The following CNTN5 variants were observed in gnomAD, a reference collection of about 807,000 sequenced individuals.
CNTN5 encodes contactin 5.
A neutral mutation model predicts 129.1 loss-of-function variants in CNTN5; 77 were observed. The observed-to-expected ratio is 0.60, with a 90% CI of 0.50 to 0.72. The LOEUF is 0.72. Among genes scored for constraint, CNTN5 ranks in the 30% least tolerant of loss-of-function variants. The pLI, the probability that CNTN5 is intolerant of heterozygous loss-of-function variation, is 0.00. For synonymous variants in CNTN5, 509 were observed against 465.6 expected, an observed-to-expected ratio of 1.09 and a Z score of -1.20; for missense variants, 1,478 against 1,328.8, an observed-to-expected ratio of 1.11 and a Z score of -1.75.
intron 2 of CNTN5, among the ~76,000 whole-genome samples, chr11:99,436,367 A>G (rs1026839552): frequency 6.6e-6 from 1 of 152,222 alleles, no homozygotes; most frequent in East Asian, 1.9e-4. Flanking sequence ...GCTCAGATCC[A>G]CAATGAGACT....
At chr11:100,135,752 A>G (rs1401328444) in intron 13 of CNTN5, among the ~76,000 whole-genome samples, 2 of 152,144 alleles carry the variant, frequency 1.3e-5, no homozygotes, top group African/African-American at 4.8e-5. Context: ...TTTTCTGACT[A>G]GCAAATATGG....
chr11:100,054,799 A>G lies in CNTN5; in HGVS notation c.981-6413A>G, dbSNP rs140482053. Among the ~76,000 whole-genome samples the G allele has an allele frequency of 6.1e-4, 93 of 151,868 alleles. No individual in the cohort carries two copies. In the Middle Eastern group the frequency reaches 0.01, roughly 17 times the overall value. ...TTAGCAAGGTATACATTTATATCTC[A>G]TTCATGTAACATCTGACAGAATGTT... On this transcript the variant is annotated intron_variant, in intron 9 of 24. Transcript: ENST00000524871.
chr11:99,360,454 G>A (rs182899435), intron 2 of CNTN5, among the ~76,000 whole-genome samples: 82 of 152,270 alleles, frequency 5.4e-4, no homozygotes, highest in Non-Finnish European at 8.5e-4. Flanking sequence ...TGAAATATAG[G>A]TGGAGGCAGC....
intron 6 of CNTN5, among the ~76,000 whole-genome samples, chr11:99,862,104 GA>G (rs145737827): frequency 0.015 from 2,279 of 152,114 alleles, 45 homozygotes; most frequent in African/African-American, 0.052. Flanking sequence ...AAGACTAAAT[GA>G]ATATTTAAAT....
intron 3 of CNTN5, among the ~76,000 whole-genome samples, chr11:99,581,965 A>G (rs7105961): frequency 0.91 from 138,078 of 151,844 alleles, 62,939 homozygotes; most frequent in East Asian, 1. Flanking sequence ...GGCTGGTACC[A>G]GTTGTTCCTT....
chr11:100,336,956 G>C (rs998015502), intron 21 of CNTN5: 4 of 708,498 alleles, frequency 5.6e-6, no homozygotes, highest in Non-Finnish European at 1.0e-5. Context: ...CACCTTCTTA[G>C]GCAGAAAAGA....
At chr11:99,047,988 C>A (rs1409793644) in intron 1 of CNTN5, among the ~76,000 whole-genome samples, 1 of 151,208 alleles carries the variant, frequency 6.6e-6, no homozygotes, top group African/African-American at 2.4e-5. Context: ...TTTTTCATTT[C>A]TTTTCATGAA....
rs143233962 is a variant in CNTN5 at position 100,247,774 on chromosome 11, T to C, written c.2006-7986T>C. Among the ~76,000 whole-genome samples the C allele has an allele frequency of 2.6e-3, 377 of 143,938 alleles. 2 individuals carry two copies. The highest frequency in any genetic ancestry group is 8.8e-3 in the African/African-American group (359 of 40,664). 94.4% of individuals were successfully genotyped at this position (143,938 alleles called of 152,430 possible). A position where few individuals can be genotyped will look rare whatever the true frequency, so the allele number is the denominator to read the frequency against. Reference sequence around the variant, plus strand: ...TGTACTATGAAAAGTCTAGTCACATTATTAAATATTATTTTTTATTGAAAT... The same window carrying C: ...TGTACTATGAAAAGTCTAGTCACATCATTAAATATTATTTTTTATTGAAAT... On this transcript the variant is annotated intron_variant, in intron 16 of 24. Coordinates refer to ENST00000524871, the MANE Select transcript of CNTN5 (RefSeq NM_014361.4).
chr11:100,125,906 T>A (rs532037851), intron 13 of CNTN5, among the ~76,000 whole-genome samples: 1 of 152,226 alleles, frequency 6.6e-6, no homozygotes, highest in South Asian at 2.1e-4. Flanking sequence ...GGTCATTAAT[T>A]TAAGAGCTTT....
chr11:99,474,317 C>T (rs1945286956), intron 2 of CNTN5, among the ~76,000 whole-genome samples: 1 of 151,898 alleles, frequency 6.6e-6, no homozygotes, highest in African/African-American at 2.4e-5. Context: ...CAAAAAAATA[C>T]CCATCCTCTG....
At chr11:100,254,057 A>G (rs1565374041) in intron 16 of CNTN5, among the ~76,000 whole-genome samples, 1 of 152,170 alleles carries the variant, frequency 6.6e-6, no homozygotes, top group Non-Finnish European at 1.5e-5. Context: ...GATAAACAAT[A>G]TCAGAATTAC....
intron 1 of CNTN5, among the ~76,000 whole-genome samples, chr11:99,069,114 G>C (rs953339700): frequency 6.6e-6 from 1 of 152,052 alleles, no homozygotes; most frequent in African/African-American, 2.4e-5. Context: ...AAATATCAGT[G>C]TGGAATCATT....
At chr11:99,735,724 T>A (rs1381974348) in intron 3 of CNTN5, among the ~76,000 whole-genome samples, 1 of 152,210 alleles carries the variant, frequency 6.6e-6, no homozygotes, top group Non-Finnish European at 1.5e-5. Context: ...GATGTATTGA[T>A]ATATACCTTG....
intron 13 of CNTN5, among the ~76,000 whole-genome samples, chr11:100,178,464 T>C (rs931817181): frequency 1.7e-4 from 26 of 152,172 alleles, no homozygotes; most frequent in African/African-American, 6.0e-4. Context: ...ACTAGAATTA[T>C]AGTTTGATAC....
intron 13 of CNTN5, among the ~76,000 whole-genome samples, chr11:100,089,549 A>G (rs1006719631): frequency 8.5e-5 from 13 of 152,206 alleles, no homozygotes; most frequent in Non-Finnish European, 1.6e-4. Context: ...TAGCAATCCC[A>G]TTACTGGGTG....
At chr11:99,531,853 C>A (rs1442726845) in intron 2 of CNTN5, among the ~76,000 whole-genome samples, 3 of 152,190 alleles carry the variant, frequency 2.0e-5, no homozygotes, top group Admixed American at 1.3e-4. Flanking sequence ...ACCTGGCCGC[C>A]CAGGCAAAAG....
intron 8 of CNTN5, among the ~76,000 whole-genome samples, chr11:99,965,294 A>G (rs1358280545): frequency 6.6e-6 from 1 of 151,768 alleles, no homozygotes; most frequent in Non-Finnish European, 1.5e-5. Context: ...TCTTTTGGTC[A>G]TTTAGTGCTA....
chr11:100,163,158 CT>C (rs1947516210), intron 13 of CNTN5, among the ~76,000 whole-genome samples: 3 of 151,712 alleles, frequency 2.0e-5, no homozygotes, highest in Admixed American at 2.0e-4. Flanking sequence ...TGATATTTAG[CT>C]TATTTAGACA....
chr11:100,304,755 C>T (rs1358960589), intron 20 of CNTN5, among the ~76,000 whole-genome samples: 2 of 151,208 alleles, frequency 1.3e-5, no homozygotes, highest in African/African-American at 4.9e-5. Flanking sequence ...TTCAAATCCT[C>T]CCTCCACATT....
Sources: gnomAD v4.1 joint callset for allele counts (sites outside exome capture counted in the v4.1 genomes callset) on GRCh38, gnomAD v4.1.1 for gene constraint, MANE v1.5 for transcripts, NCBI Gene and HGNC (gene_info 2026-07-23, HGNC 2026-07-21) for gene names.